Variants in PAPOLA observed in about 807,000 individuals in gnomAD.
PAPOLA encodes poly(A) polymerase alpha.
PAPOLA carries 15 observed loss-of-function variants against 100.6 expected under a neutral mutation model. The ratio of observed to expected loss-of-function variants is 0.15; its 90% CI spans 0.10 to 0.23. The LOEUF is 0.23. Among genes scored for constraint, PAPOLA ranks in the 10% least tolerant of loss-of-function variants. The pLI is 1.00. For synonymous variants in PAPOLA, 293 were observed against 300.0 expected (o/e 0.98, Z 0.24); for missense variants, 533 against 884.2 (o/e 0.60, Z 5.04).
chr14:96,534,035 CT>C (rs755248864), intron 9 of PAPOLA: 1 of 987,304 alleles, frequency 1.0e-6, no homozygotes, highest in Non-Finnish European at 1.2e-6. Flanking sequence ...CTACACTTGT[CT>C]TACCACTTTT....
chr14:96,533,393 T>C (rs571339843), intron 9 of PAPOLA: 13 of 982,554 alleles, frequency 1.3e-5, no homozygotes, highest in Non-Finnish European at 1.6e-5. Flanking sequence ...TTATAAAAAT[T>C]AGTTATTTGA....
intron 12 of PAPOLA, among the ~76,000 whole-genome samples, chr14:96,540,576 CTT>C (rs1257013662): frequency 2.6e-5 from 4 of 152,110 alleles, no homozygotes; most frequent in Admixed American, 6.5e-5. Context: ...TTTTATATGA[CTT>C]TTGTTGATTT....
intron 19 of PAPOLA, among the ~76,000 whole-genome samples, chr14:96,559,583 A>C (rs4017754): frequency 0.096 from 9,756 of 102,142 alleles, 366 homozygotes; most frequent in East Asian, 0.2. Context: ...CTCTCTCTCT[A>C]TATATATATA....
intron 6 of PAPOLA, among the ~76,000 whole-genome samples, chr14:96,530,916 A>G (rs1001373265): frequency 1.3e-5 from 2 of 151,532 alleles, no homozygotes; most frequent in African/African-American, 4.9e-5. Flanking sequence ...CCAGGCTCAA[A>G]TGATTTTTCT....
At chr14:96,542,697 C>A (rs1900089231) in intron 13 of PAPOLA, 77 bp from the exon 14 acceptor site, 1 of 1,363,844 alleles carries the variant, frequency 7.3e-7, no homozygotes, top group Admixed American at 2.4e-5. Context: ...AGTTGAAATG[C>A]CCTGGTATGT....
chr14:96,545,028 A>G (rs1900275750), intron 15 of PAPOLA, among the ~76,000 whole-genome samples: 1 of 152,084 alleles, frequency 6.6e-6, no homozygotes, highest in Non-Finnish European at 1.5e-5. Context: ...TACTACGCAT[A>G]GGGACAACCG....
intron 17 of PAPOLA, among the ~76,000 whole-genome samples, chr14:96,554,000 T>C (rs927884039): frequency 1.3e-5 from 2 of 152,234 alleles, no homozygotes; most frequent in Non-Finnish European, 2.9e-5. Context: ...GTAAGTGTTA[T>C]CATTTTAAAA....
At chr14:96,551,537 T>C (rs1028781751) in intron 16 of PAPOLA, among the ~76,000 whole-genome samples, 1 of 152,196 alleles carries the variant, frequency 6.6e-6, no homozygotes, top group Non-Finnish European at 1.5e-5. Flanking sequence ...TATTTTGTTA[T>C]TTGGGGAACT....
chr14:96,507,959 C>T (rs113544805), intron 1 of PAPOLA, among the ~76,000 whole-genome samples: 2,541 of 152,146 alleles, frequency 0.017, 72 homozygotes, highest in African/African-American at 0.058. Flanking sequence ...CACTGCAACC[C>T]CTGCATCCCA....
chr14:96,525,836 A>G (rs1179003944), intron 4 of PAPOLA: 1 of 153,612 alleles, frequency 6.5e-6, no homozygotes, highest in Non-Finnish European at 1.4e-5. Context: ...ACATATGGCT[A>G]GTCGTTACTG....
At chr14:96,531,934 A>G (rs1595527686) in intron 7 of PAPOLA, 3 of 1,294,856 alleles carry the variant, frequency 2.3e-6, no homozygotes, top group Non-Finnish European at 2.9e-6. Flanking sequence ...CTGAGATCAG[A>G]AGGACTACTT....
intron 1 of PAPOLA, among the ~76,000 whole-genome samples, chr14:96,510,444 C>T (rs1478724022): frequency 5.6e-5 from 8 of 143,620 alleles, no homozygotes; most frequent in African/African-American, 1.9e-4. Flanking sequence ...TTAAGTTTCT[C>T]CTAGCCATAT....
At chr14:96,529,658 G>A (rs1246709001) in intron 6 of PAPOLA, among the ~76,000 whole-genome samples, 1 of 152,070 alleles carries the variant, frequency 6.6e-6, no homozygotes, top group Non-Finnish European at 1.5e-5. Flanking sequence ...GGAAGTGGAG[G>A]TTGCAGTGAT....
intron 1 of PAPOLA, among the ~76,000 whole-genome samples, chr14:96,504,853 G>A (rs1896602601): frequency 6.6e-6 from 1 of 152,152 alleles, no homozygotes; most frequent in Admixed American, 6.5e-5. Flanking sequence ...GTTGGATTGT[G>A]ATTTCCCGGC....
At chr14:96,548,912 A>G (rs1900609006) in intron 16 of PAPOLA, among the ~76,000 whole-genome samples, 1 of 152,220 alleles carries the variant, frequency 6.6e-6, no homozygotes, top group Non-Finnish European at 1.5e-5. Context: ...ATTAAAGGCA[A>G]GGACTCTGGA....
intron 20 of PAPOLA, 52 bp downstream of exon 20, chr14:96,560,763 G>A (rs770772569): frequency 1.1e-5 from 12 of 1,111,818 alleles, no homozygotes; most frequent in Non-Finnish European, 1.6e-5. Context: ...TACAGAAGAT[G>A]TAATAGAAAT....
At chr14:96,538,076 A>G (rs1899685323) in intron 12 of PAPOLA, among the ~76,000 whole-genome samples, 1 of 152,010 alleles carries the variant, frequency 6.6e-6, no homozygotes, top group African/African-American at 2.4e-5. Context: ...TTTGACAGAT[A>G]ATTTTTCTTT....
intron 1 of PAPOLA, among the ~76,000 whole-genome samples, chr14:96,516,196 ATTC>A (rs1897447793): frequency 6.6e-6 from 1 of 152,198 alleles, no homozygotes; most frequent in African/African-American, 2.4e-5. Context: ...GGAGCCTGGA[ATTC>A]TTAGTCTAGC....
rs1352207067 is a variant in PAPOLA, at chr14:96,522,177, A to G, written c.249+1105A>G. ...TGCTCAGTTGCCCAGGCTGAAGTAC[A>G]GTGGCACCATCTTGGTTCGCTGCAA... On this transcript the variant is annotated intron_variant, in intron 3 of 21. Transcript: ENST00000216277. 3.0e-5 allele frequency among the ~76,000 whole-genome samples: 4 copies of G among 133,126 alleles called. No homozygotes were observed. The East Asian group carries it at 6.5e-4, about 22-fold the overall frequency. The allele number at this position is 133,126 out of a possible 152,430, so 87.3% of individuals were successfully genotyped here. A position where few individuals can be genotyped will look rare whatever the true frequency, so the allele number is the denominator to read the frequency against.
Sources: gnomAD v4.1 joint callset for allele counts (sites outside exome capture counted in the v4.1 genomes callset) on GRCh38, gnomAD v4.1.1 for gene constraint, MANE v1.5 for transcripts, NCBI Gene and HGNC (gene_info 2026-07-23, HGNC 2026-07-21) for gene names.